The following SIPA1L1 variants were observed in gnomAD, a reference collection of about 807,000 sequenced individuals.
The protein encoded by SIPA1L1 is signal induced proliferation associated 1 like 1.
SIPA1L1 carries 26 observed loss-of-function variants against 162.7 expected under a neutral mutation model. The observed-to-expected ratio is 0.16, with a 90% CI of 0.12 to 0.22. SIPA1L1 has a LOEUF of 0.22. SIPA1L1 is among the 10% of genes least tolerant of loss of function. The pLI is 1.00. For missense variants in SIPA1L1, 1,874 were observed against 2,241.0 expected (o/e 0.84, Z 3.31); for synonymous variants, 829 against 837.4 (o/e 0.99, Z 0.17).
chr14:71,554,512 T>C (rs148705471), intron 4 of SIPA1L1, among the ~76,000 whole-genome samples: 32 of 152,328 alleles, frequency 2.1e-4, no homozygotes, highest in African/African-American at 6.5e-4. Context: ...TCTGCCCCAC[T>C]GTGAAACCGA....
At chr14:71,590,712 T>C (rs563375422) in intron 5 of SIPA1L1, among the ~76,000 whole-genome samples, 1 of 152,356 alleles carries the variant, frequency 6.6e-6, no homozygotes, top group Admixed American at 6.5e-5. Flanking sequence ...AATAATTTTC[T>C]GAAGTTTATA....
intron 5 of SIPA1L1, among the ~76,000 whole-genome samples, chr14:71,607,261 G>A (rs1420330769): frequency 6.6e-6 from 1 of 151,198 alleles, no homozygotes; most frequent in Non-Finnish European, 1.5e-5. Context: ...TCCAGGGACT[G>A]CCCTCGGCAT....
At chr14:71,559,518 G>A (rs1005623951) in intron 4 of SIPA1L1, among the ~76,000 whole-genome samples, 1 of 152,164 alleles carries the variant, frequency 6.6e-6, no homozygotes, top group Non-Finnish European at 1.5e-5. Context: ...ATATTGTCAA[G>A]CATTCATGAT....
intron 9 of SIPA1L1, among the ~76,000 whole-genome samples, chr14:71,659,077 G>A (rs531390100): frequency 4.5e-4 from 69 of 152,278 alleles, no homozygotes; most frequent in African/African-American, 1.5e-3. Context: ...CTGGAAACTG[G>A]CACTATTGTT....
In SIPA1L1 at chr14:71,359,528, C is replaced by A. The variant is rs2037596063; in HGVS notation, c.-465+38347C>A. On this transcript the variant is annotated intron_variant, in intron 2 of 23. Coordinates refer to ENST00000381232, the MANE Select transcript of SIPA1L1 (RefSeq NM_001386936.1). ...CAGGGACTTTTGTCTGTTTATATATCCCCAGGATGAAAAATAAAAAGTGCC... is the reference window on the plus strand; with the variant it reads ...CAGGGACTTTTGTCTGTTTATATATACCCAGGATGAAAAATAAAAAGTGCC... Among the ~76,000 whole-genome samples, 3 of 152,184 alleles carry A rather than the reference C, an allele frequency of 2.0e-5. No homozygotes were observed. In the South Asian group the frequency reaches 6.2e-4, roughly 32 times the overall value.
At chr14:71,363,453 T>C (rs1195811503) in intron 2 of SIPA1L1, among the ~76,000 whole-genome samples, 1 of 151,874 alleles carries the variant, frequency 6.6e-6, no homozygotes, top group East Asian at 1.9e-4. Flanking sequence ...GAGATTGTCA[T>C]AGTGTTTCTG....
intron 20 of SIPA1L1, among the ~76,000 whole-genome samples, chr14:71,732,988 G>A (rs374414867): frequency 2.6e-5 from 4 of 152,176 alleles, no homozygotes; most frequent in African/African-American, 7.2e-5. Context: ...TGAGGCAGGC[G>A]GATTACGAGG....
intron 4 of SIPA1L1, among the ~76,000 whole-genome samples, chr14:71,581,562 AG>A (rs2033930935): frequency 6.6e-6 from 1 of 152,194 alleles, no homozygotes; most frequent in South Asian, 2.1e-4. Context: ...TTTGGTAATA[AG>A]TTATTTAATA....
intron 23 of SIPA1L1, 77 bp from the exon 24 acceptor site, chr14:71,738,941 C>G: frequency 2.0e-6 from 3 of 1,493,464 alleles, no homozygotes; most frequent in Admixed American, 2.0e-5. Flanking sequence ...CAAAACGGGT[C>G]CATAGCTATT....
intron 3 of SIPA1L1, among the ~76,000 whole-genome samples, chr14:71,522,718 G>T (rs1301707418): frequency 2.7e-5 from 4 of 149,672 alleles, no homozygotes; most frequent in Non-Finnish European, 5.9e-5. Flanking sequence ...TTTTGAGATG[G>T]AGTCTCCCTT....
chr14:71,389,000 G>A (rs1336533199), intron 2 of SIPA1L1, among the ~76,000 whole-genome samples: 1 of 152,056 alleles, frequency 6.6e-6, no homozygotes. Flanking sequence ...GGCTGGTCTC[G>A]AACTCCTAGG....
intron 2 of SIPA1L1, among the ~76,000 whole-genome samples, chr14:71,365,975 C>T (rs915050529): frequency 4.0e-5 from 6 of 151,704 alleles, no homozygotes; most frequent in Non-Finnish European, 8.8e-5. Context: ...GTCCTCCTGC[C>T]TCTGCCTTCC....
chr14:71,365,444 G>A (rs1160592239), intron 2 of SIPA1L1, among the ~76,000 whole-genome samples: 1 of 152,078 alleles, frequency 6.6e-6, no homozygotes, highest in African/African-American at 2.4e-5. Flanking sequence ...TTGCCCGTAG[G>A]CACTTTGAGA....
intron 2 of SIPA1L1, among the ~76,000 whole-genome samples, chr14:71,352,538 T>C: frequency 6.6e-6 from 1 of 152,218 alleles, no homozygotes; most frequent in East Asian, 1.9e-4. Flanking sequence ...CAACATTGAT[T>C]TGGTGAGATC....
intron 9 of SIPA1L1, 151 bp from the exon 10 acceptor site, chr14:71,661,159 G>T: frequency 1.4e-6 from 1 of 708,764 alleles, no homozygotes. Flanking sequence ...GAATAAGGCA[G>T]GTGAAAACAT....
intron 2 of SIPA1L1, among the ~76,000 whole-genome samples, chr14:71,496,519 T>G (rs1482519670): frequency 6.6e-6 from 1 of 152,256 alleles, no homozygotes; most frequent in Non-Finnish European, 1.5e-5. Flanking sequence ...AGACTTGTTT[T>G]GTGACATTGC....
intron 2 of SIPA1L1, among the ~76,000 whole-genome samples, chr14:71,473,707 G>C (rs1227920797): frequency 6.6e-6 from 1 of 152,048 alleles, no homozygotes; most frequent in Non-Finnish European, 1.5e-5. Context: ...TTTATATAAT[G>C]GTACTTTAAA....
chr14:71,394,059 A>T (rs900275350), intron 2 of SIPA1L1, among the ~76,000 whole-genome samples: 1 of 152,248 alleles, frequency 6.6e-6, no homozygotes, highest in African/African-American at 2.4e-5. Context: ...CAGCGTTGTT[A>T]TCTTCAGAAA....
intron 17 of SIPA1L1, among the ~76,000 whole-genome samples, chr14:71,714,772 G>T (rs1001996615): frequency 6.6e-6 from 1 of 152,104 alleles, no homozygotes; most frequent in African/African-American, 2.4e-5. Flanking sequence ...TATAGAGACA[G>T]GGTCTCATCA....
Sources: gnomAD v4.1 joint callset for allele counts (sites outside exome capture counted in the v4.1 genomes callset) on GRCh38, gnomAD v4.1.1 for gene constraint, MANE v1.5 for transcripts, NCBI Gene and HGNC (gene_info 2026-07-23, HGNC 2026-07-21) for gene names.